The following MCPH1 variants were observed in gnomAD, a reference collection of about 807,000 sequenced individuals.
MCPH1 encodes the protein microcephalin 1.
Under a neutral mutation model 84.5 loss-of-function variants are expected in MCPH1, and 104 were observed. The observed-to-expected ratio is 1.23, with a 90% CI of 1.05 to 1.45. MCPH1 has a LOEUF of 1.45. MCPH1 is among the 40% of genes most tolerant of loss of function. MCPH1 has a pLI of 0.00. For synonymous variants in MCPH1, 514 were observed against 366.8 expected (o/e 1.40, Z -4.58); for missense variants, 1,498 against 1,005.7 (o/e 1.49, Z -6.62).
At chr8:6,549,690 G>C (rs569703916) in intron 12 of MCPH1, among the ~76,000 whole-genome samples, 1 of 147,668 alleles carries the variant, frequency 6.8e-6, no homozygotes, top group African/African-American at 2.5e-5. Flanking sequence ...CTTCCGTATC[G>C]AGCTGGGCGG....
rs985687190 is a variant in MCPH1 at position 6,645,093 on chromosome 8, G to C, written c.*2044G>C. On this transcript the variant is annotated 3_prime_UTR_variant, in exon 14 of 14. Coordinates refer to ENST00000344683, the MANE Select transcript of MCPH1 (RefSeq NM_024596.5). The stretch of plus-strand genomic sequence containing the variant: ...CACAGCACCAAAAATCCCTGAGGAG[G>C]CTGACAAACATTGTGCTGACTCATG... The C allele has an allele frequency of 1.3e-5, 2 of 152,176 alleles. No homozygotes were observed. Among genetic ancestry groups the C allele is most frequent in the Admixed American group, 1.3e-4 (2 of 15,256 alleles). The allele number at this position is 152,176 out of a possible 1,614,324, so 9.4% of individuals were successfully genotyped here.
chr8:6,414,234 C>G (rs537053392), intron 2 of MCPH1, among the ~76,000 whole-genome samples: 3 of 152,148 alleles, frequency 2.0e-5, no homozygotes, highest in African/African-American at 4.8e-5. Flanking sequence ...TCTCAAACTG[C>G]TGACCTCAGG....
At chr8:6,504,180 T>A (rs1177228112) in intron 12 of MCPH1, among the ~76,000 whole-genome samples, 4 of 151,260 alleles carry the variant, frequency 2.6e-5, no homozygotes, top group Non-Finnish European at 4.4e-5. Context: ...TAGCCGGGCG[T>A]GGTGGCGGAC....
chr8:6,459,944 C>T (rs529866599), intron 9 of MCPH1, among the ~76,000 whole-genome samples: 58 of 152,336 alleles, frequency 3.8e-4, no homozygotes, highest in Non-Finnish European at 8.1e-4. Flanking sequence ...GGATGCAGAA[C>T]CGCGAGAAGA....
intron 9 of MCPH1, among the ~76,000 whole-genome samples, chr8:6,466,310 T>G (rs942512023): frequency 2.7e-5 from 4 of 150,676 alleles, no homozygotes; most frequent in African/African-American, 9.8e-5. Context: ...CTAATTTTTT[T>G]TTTTTTTGAG....
At chr8:6,419,978 G>T (rs769138606) in intron 3 of MCPH1, among the ~76,000 whole-genome samples, 10 of 151,946 alleles carry the variant, frequency 6.6e-5, no homozygotes, top group Non-Finnish European at 1.2e-4. Flanking sequence ...CATAGGCCAG[G>T]CTTGTGGCCA....
rs180830302 is a variant in MCPH1, at chr8:6,499,769, C to G, written c.2137-83C>G. The stretch of plus-strand genomic sequence containing the variant: ...GATCTGCGGAGTGTATCACTTTTTG[C>G]TGTGTCTTCAAAGTGATTCTTGGTT... On this transcript the variant is annotated intron_variant, in intron 11 of 13. Transcript: ENST00000344683. 9.3e-4 allele frequency: 1,127 copies of G among 1,206,554 alleles called. 5 individuals are homozygous for G. In the Middle Eastern group the frequency reaches 1.0e-2, roughly 11 times the overall value. 74.7% of individuals were successfully genotyped at this position (1,206,554 alleles called of 1,614,324 possible). A position where few individuals can be genotyped will look rare whatever the true frequency, so the allele number is the denominator to read the frequency against.
At chr8:6,440,354 G>C (rs1295108700) in intron 6 of MCPH1, among the ~76,000 whole-genome samples, 1 of 151,988 alleles carries the variant, frequency 6.6e-6, no homozygotes, top group African/African-American at 2.4e-5. Flanking sequence ...TTGTATTTCT[G>C]AGTACTTCGT....
intron 12 of MCPH1, chr8:6,503,111 G>T: frequency 6.2e-7 from 1 of 1,614,178 alleles, no homozygotes; most frequent in Non-Finnish European, 8.5e-7. Context: ...TTAGAAATCT[G>T]CTGGTCGGAT....
At chr8:6,406,793 C>T (rs1797757400) in intron 1 of MCPH1, 104 bp downstream of exon 1, 1 of 1,318,518 alleles carries the variant, frequency 7.6e-7, no homozygotes, top group South Asian at 1.2e-5. Flanking sequence ...CCCGCTCGCC[C>T]CTCCCTCGCT....
chr8:6,625,265 G>A (rs1159147788), intron 13 of MCPH1: 37 of 985,478 alleles, frequency 3.8e-5, no homozygotes, highest in South Asian at 4.7e-5. Context: ...CTGGTTAAAG[G>A]AGGAAACACA....
rs1798131488 is a variant in MCPH1 at position 6,644,740 on chromosome 8, A to G, written c.*1691A>G. The G allele has an allele frequency of 6.6e-6, 1 of 152,170 alleles. No homozygotes were observed. The highest frequency in any genetic ancestry group is 2.4e-5 in the African/African-American group (1 of 41,438). The allele number at this position is 152,170 out of a possible 1,614,324, so 9.4% of individuals were successfully genotyped here. On this transcript the variant is annotated 3_prime_UTR_variant, in exon 14 of 14. Transcript: ENST00000344683. ...GTGCCGTTCCCGCTCTGGGTTATTT[A>G]TCTGTTGCTCATCTCAGCTGTTGTT...
rs187130758 is a variant in MCPH1, at chr8:6,462,086, G to A, written c.1935+6834G>A. Among the ~76,000 whole-genome samples, 5 of 152,310 alleles carry A rather than the reference G, an allele frequency of 3.3e-5. No individual in the cohort carries two copies. In the East Asian group the frequency reaches 7.7e-4, roughly 23 times the overall value. On this transcript the variant is annotated intron_variant, in intron 9 of 13. Coordinates refer to ENST00000344683, the MANE Select transcript of MCPH1 (RefSeq NM_024596.5). ...AAGCTGTGGGTCAGAGCACAGAAAT[G>A]TTTACAGAGGCTTTCCTAAGCCTGG...
At position 6,532,637 on chromosome 8, in the gene MCPH1, AT is replaced by A. The variant is rs796761227; in HGVS notation, c.2214+32717del. 1,084 of 612,352 alleles carry A rather than the reference AT, an allele frequency of 1.8e-3. 1 individual carries two copies. Among genetic ancestry groups the A allele is most frequent in the South Asian group, 2.5e-3 (63 of 24,818 alleles). The allele number at this position is 612,352 out of a possible 1,614,324, so 37.9% of individuals were successfully genotyped here. ...CTTGCCTTCCTTTTGGAATCTTACT[AT>A]TTTTTTTTATCATTAGGAAAATACA... On this transcript the variant is annotated intron_variant, in intron 12 of 13. Transcript: ENST00000344683.
At chr8:6,581,815 C>T (rs959466143) in intron 12 of MCPH1, among the ~76,000 whole-genome samples, 3 of 152,068 alleles carry the variant, frequency 2.0e-5, no homozygotes, top group Non-Finnish European at 4.4e-5. Flanking sequence ...GTCCAATATC[C>T]AGGCAGATTC....
At chr8:6,604,713 C>A (rs1403824264) in intron 12 of MCPH1, among the ~76,000 whole-genome samples, 1 of 152,222 alleles carries the variant, frequency 6.6e-6, no homozygotes, top group South Asian at 2.1e-4. Flanking sequence ...CCATGTTGGC[C>A]AGACTGGTCT....
At chr8:6,565,450 G>A (rs1190106094) in intron 12 of MCPH1, among the ~76,000 whole-genome samples, 4 of 151,970 alleles carry the variant, frequency 2.6e-5, no homozygotes, top group African/African-American at 9.7e-5. Context: ...TGTAGAGACG[G>A]GGTCTCACTC....
chr8:6,586,333 G>T (rs1032207953), intron 12 of MCPH1, among the ~76,000 whole-genome samples: 2 of 152,116 alleles, frequency 1.3e-5, no homozygotes, highest in Non-Finnish European at 2.9e-5. Context: ...ACCACTCAGG[G>T]AAGCTAGTCT....
At chr8:6,480,672 A>G (rs1357987051) in intron 10 of MCPH1, 42 bp from the exon 11 acceptor site, 3 of 1,612,084 alleles carry the variant, frequency 1.9e-6, no homozygotes, top group Non-Finnish European at 2.5e-6. Flanking sequence ...GGCATGTGCA[A>G]CAAAGTCATT....
Sources: gnomAD v4.1 joint callset for allele counts (sites outside exome capture counted in the v4.1 genomes callset) on GRCh38, gnomAD v4.1.1 for gene constraint, MANE v1.5 for transcripts, NCBI Gene and HGNC (gene_info 2026-07-23, HGNC 2026-07-21) for gene names.